Variants in USP50 observed in about 807,000 individuals in gnomAD.
USP50 encodes ubiquitin specific peptidase 50.
USP50 carries 37 observed loss-of-function variants against 39.2 expected under a neutral mutation model. The observed-to-expected ratio is 0.94, with a 90% CI of 0.73 to 1.24. The LOEUF (loss-of-function observed/expected upper bound fraction) is 1.24. Ranked by LOEUF, USP50 falls within the 50% of genes most tolerant of loss-of-function variation. The probability of loss-of-function intolerance (pLI) is 0.00; values close to 1 mark genes in which losing one functional copy is unlikely to be tolerated. For synonymous variants in USP50, 139 were observed against 144.5 expected, an observed-to-expected ratio of 0.96 and a Z score of 0.27; for missense variants, 374 against 398.2, an observed-to-expected ratio of 0.94 and a Z score of 0.52.
intron 3 of USP50, 68 bp from the exon 4 acceptor site, chr15:50,541,332 T>A: frequency 7.2e-7 from 1 of 1,390,518 alleles, no homozygotes; most frequent in Non-Finnish European, 1.0e-6. Flanking sequence ...GGCAACATGG[T>A]GAGATCCCAT....
At chr15:50,516,203 A>G (rs2052802339) in intron 6 of USP50, among the ~76,000 whole-genome samples, 1 of 152,256 alleles carries the variant, frequency 6.6e-6, no homozygotes, top group African/African-American at 2.4e-5. Context: ...AAAGGAAGAC[A>G]GCAAGAGAGG....
intron 6 of USP50, chr15:50,506,431 T>C (rs1482213412): frequency 6.6e-6 from 1 of 152,112 alleles, no homozygotes; most frequent in African/African-American, 2.4e-5. Context: ...GTGGAACAGT[T>C]TAATCCCAAA....
rs919882366 is a variant in USP50 at position 50,538,349 on chromosome 15, C to T, written c.803+360G>A. ...AACCAACAACCCAATTTTTAAAATACGCCAAAGACTTTAACAGACCTTCAT... is the reference window on the plus strand; with the variant it reads ...AACCAACAACCCAATTTTTAAAATATGCCAAAGACTTTAACAGACCTTCAT... On this transcript the variant is annotated intron_variant, in intron 5 of 6. Coordinates refer to ENST00000532404, the MANE Select transcript of USP50 (RefSeq NM_203494.5). Among the ~76,000 whole-genome samples the T allele has an allele frequency of 7.0e-5, 10 of 142,290 alleles. No individual in the cohort carries two copies. In the East Asian group the frequency reaches 8.2e-4, roughly 12 times the overall value. The allele number at this position is 142,290 out of a possible 152,430, so 93.3% of individuals were successfully genotyped here. A position where few individuals can be genotyped will look rare whatever the true frequency, so the allele number is the denominator to read the frequency against.
intron 6 of USP50, chr15:50,503,458 T>C (rs1381946687): frequency 6.6e-6 from 1 of 152,208 alleles, no homozygotes; most frequent in African/African-American, 2.4e-5. Flanking sequence ...ACACTCGAGG[T>C]AAAGTCTTAG....
At chr15:50,515,311 G>T (rs897846111) in intron 6 of USP50, among the ~76,000 whole-genome samples, 4 of 152,136 alleles carry the variant, frequency 2.6e-5, no homozygotes, top group Middle Eastern at 3.4e-3. Context: ...GCGCGATCTC[G>T]GCTCACTGCA....
chr15:50,533,000 AAAG>A (rs1392196759), intron 5 of USP50, among the ~76,000 whole-genome samples: 1 of 152,098 alleles, frequency 6.6e-6, no homozygotes, highest in Non-Finnish European at 1.5e-5. Context: ...TTAAAACTGA[AAAG>A]AAGAAAGAAA....
At chr15:50,531,930 AAGAGC>A (rs2141372449) in intron 5 of USP50, 25 of 313,584 alleles carry the variant, frequency 8.0e-5, no homozygotes, top group South Asian at 6.8e-4. Flanking sequence ...TTAGAGCTGA[AAGAGC>A]AGTGAGGTCA....
chr15:50,495,255 T>C (rs2052336499), intron 1 of USP50, among the ~76,000 whole-genome samples: 1 of 54,904 alleles, frequency 1.8e-5, no homozygotes, highest in Non-Finnish European at 4.4e-5. Context: ...CGTGTATATA[T>C]ACATACATAT....
chr15:50,517,631 T>A (rs560325765), intron 6 of USP50, among the ~76,000 whole-genome samples: 1 of 152,062 alleles, frequency 6.6e-6, no homozygotes, highest in East Asian at 1.9e-4. Context: ...CAAAAATAAA[T>A]CAAAAAGGAA....
At chr15:50,513,999 C>G (rs900563770) in intron 6 of USP50, 1 of 152,166 alleles carries the variant, frequency 6.6e-6, no homozygotes, top group African/African-American at 2.4e-5. Context: ...TAGTCAAAAG[C>G]TAGTAATTAC....
downstream of USP50, chr15:50,493,055 CT>C: frequency 1.1e-6 from 1 of 915,450 alleles, no homozygotes; most frequent in Non-Finnish European, 1.7e-6. Flanking sequence ...TTTATTTTCT[CT>C]TAGTTCTTGA....
chr15:50,525,483 T>C lies in USP50; in HGVS notation c.936+4314A>G, dbSNP rs964201007. ...CACATTTTGTGTGTGTGTGTGTGTA[T>C]ATATATGTATATATGTATGTGTGTG... On this transcript the variant is annotated intron_variant, in intron 6 of 6. Transcript: ENST00000532404. 7.3e-5 allele frequency among the ~76,000 whole-genome samples: 11 copies of C among 150,030 alleles called. No homozygotes were observed. In the East Asian group the frequency reaches 1.9e-3, roughly 26 times the overall value.
chr15:50,545,753 G>C (rs1445793223), intron 1 of USP50, among the ~76,000 whole-genome samples: 1 of 151,744 alleles, frequency 6.6e-6, no homozygotes, highest in Non-Finnish European at 1.5e-5. Flanking sequence ...TAAAAATATA[G>C]ATCTTAGTTT....
At chr15:50,529,257 C>T (rs1247503601) in intron 6 of USP50, among the ~76,000 whole-genome samples, 1 of 151,754 alleles carries the variant, frequency 6.6e-6, no homozygotes, top group African/African-American at 2.4e-5. Flanking sequence ...TGCTTGTAAT[C>T]CCAGCACTTT....
At chr15:50,546,352 A>G in intron 1 of USP50, 121 bp downstream of exon 1, 1 of 975,042 alleles carries the variant, frequency 1.0e-6, no homozygotes, top group Non-Finnish European at 1.6e-6. Flanking sequence ...CTTTCCGGGG[A>G]CCTTCCATGG....
At chr15:50,539,113 G>T (rs111479221) in intron 4 of USP50, among the ~76,000 whole-genome samples, 4,912 of 136,894 alleles carry the variant, frequency 0.036, 284 homozygotes, top group African/African-American at 0.13. Context: ...TTTTGGTTTT[G>T]TTTTTTTTTT....
At position 50,538,273 on chromosome 15, in the gene USP50, C is replaced by CAAAAA. The variant is rs766139797; in HGVS notation, c.803+431_803+435dup. ...GCCTGGCAACAGAGTGAGACTGTCT[C>CAAAAA]AAAAAAAAAAAAAAAAAAAAAAAAA... is the stretch of plus-strand genomic sequence containing the variant. On this transcript the variant is annotated intron_variant, in intron 5 of 6. Transcript: ENST00000532404. Among the ~76,000 whole-genome samples, 45 of 17,300 alleles carry CAAAAA rather than the reference C, an allele frequency of 2.6e-3. 3 individuals are homozygous for CAAAAA. Among genetic ancestry groups the CAAAAA allele is most frequent in the African/African-American group, 5.4e-3 (44 of 8,116 alleles). The allele number at this position is 17,300 out of a possible 152,430, so 11.3% of individuals were successfully genotyped here.
chr15:50,534,440 A>T (rs565113466), intron 5 of USP50, among the ~76,000 whole-genome samples: 3 of 152,342 alleles, frequency 2.0e-5, no homozygotes, highest in African/African-American at 7.2e-5. Context: ...AGTGGTAGAT[A>T]AAAACAGGAA....
chr15:50,513,078 A>G (rs1318603797), intron 6 of USP50: 1 of 152,198 alleles, frequency 6.6e-6, no homozygotes, highest in Non-Finnish European at 1.5e-5. Flanking sequence ...CTAAAATGAG[A>G]TAATTTTGTA....
Sources: gnomAD v4.1 joint callset for allele counts (sites outside exome capture counted in the v4.1 genomes callset) on GRCh38, gnomAD v4.1.1 for gene constraint, MANE v1.5 for transcripts, NCBI Gene and HGNC (gene_info 2026-07-23, HGNC 2026-07-21) for gene names.